The following RBFOX1 variants were observed in gnomAD, a reference collection of about 807,000 sequenced individuals.
The protein encoded by RBFOX1 is RNA binding fox-1 homolog 1.
A neutral mutation model predicts 57.7 loss-of-function variants in RBFOX1; 8 were observed. The observed-to-expected ratio is 0.14, with a 90% CI of 0.08 to 0.25. The LOEUF is 0.25. RBFOX1 is among the 10% of genes least tolerant of loss of function. The pLI, the probability that RBFOX1 is intolerant of heterozygous loss-of-function variation, is 1.00. For synonymous variants in RBFOX1, 326 were observed against 222.4 expected (o/e 1.47, Z -4.15); for missense variants, 611 against 548.5 (o/e 1.11, Z -1.14).
At chr16:6,663,473 T>A (rs1373489607) in intron 3 of RBFOX1, among the ~76,000 whole-genome samples, 2 of 152,118 alleles carry the variant, frequency 1.3e-5, no homozygotes, top group African/African-American at 2.4e-5. Context: ...ATCTGTGCAC[T>A]TCTGATAGCA....
chr16:6,886,166 A>T (rs1031323912), intron 3 of RBFOX1, among the ~76,000 whole-genome samples: 9 of 148,988 alleles, frequency 6.0e-5, no homozygotes, highest in African/African-American at 1.7e-4. Flanking sequence ...GGTTCAAGTG[A>T]CTCTCCTGCC....
intron 3 of RBFOX1, among the ~76,000 whole-genome samples, chr16:5,804,924 C>T (rs149042804): frequency 6.6e-6 from 1 of 152,128 alleles, no homozygotes; most frequent in Non-Finnish European, 1.5e-5. Context: ...TTTGCCACTA[C>T]CAGCATTTCT....
At chr16:6,778,861 C>T (rs981535284) in intron 3 of RBFOX1, among the ~76,000 whole-genome samples, 4 of 144,794 alleles carry the variant, frequency 2.8e-5, no homozygotes, top group Non-Finnish European at 4.5e-5. Flanking sequence ...ACCACACACT[C>T]TAGTTTTTTT....
intron 3 of RBFOX1, among the ~76,000 whole-genome samples, chr16:6,731,512 G>C (rs1465729838): frequency 6.6e-6 from 1 of 152,076 alleles, no homozygotes; most frequent in Non-Finnish European, 1.5e-5. Flanking sequence ...CAGTTCTTGA[G>C]AGTATTTCTC....
intron 1 of RBFOX1, among the ~76,000 whole-genome samples, chr16:5,365,588 G>A (rs1266546311): frequency 6.6e-6 from 1 of 152,148 alleles, no homozygotes; most frequent in Non-Finnish European, 1.5e-5. Context: ...AGAATCGCTT[G>A]TACCCTGGAG....
At chr16:5,688,578 C>G (rs548379777) in intron 3 of RBFOX1, among the ~76,000 whole-genome samples, 1 of 152,010 alleles carries the variant, frequency 6.6e-6, no homozygotes, top group East Asian at 1.9e-4. Context: ...TGCAGTTGGT[C>G]TGGTCCCAAC....
At chr16:5,711,373 A>T (rs965153206) in intron 3 of RBFOX1, among the ~76,000 whole-genome samples, 1 of 152,214 alleles carries the variant, frequency 6.6e-6, no homozygotes, top group Non-Finnish European at 1.5e-5. Flanking sequence ...ATCTATAACC[A>T]TATAGTCTTA....
At chr16:7,346,296 C>T (rs1289284530) in intron 4 of RBFOX1, among the ~76,000 whole-genome samples, 1 of 151,644 alleles carries the variant, frequency 6.6e-6, no homozygotes, top group Non-Finnish European at 1.5e-5. Flanking sequence ...CATGATGTGT[C>T]AGCAACGAGA....
chr16:6,417,563 T>C (rs2093658417), intron 2 of RBFOX1, among the ~76,000 whole-genome samples: 1 of 151,466 alleles, frequency 6.6e-6, no homozygotes, highest in Non-Finnish European at 1.5e-5. Flanking sequence ...CTAGTTTTTA[T>C]ATATGTAGTA....
intron 4 of RBFOX1, among the ~76,000 whole-genome samples, chr16:7,242,640 A>G (rs1025502788): frequency 1.3e-5 from 2 of 152,214 alleles, no homozygotes; most frequent in African/African-American, 2.4e-5. Context: ...GATGCTCAGC[A>G]TGCAGTCAAT....
rs150858443 is a variant in RBFOX1 at position 6,438,846 on chromosome 16, G to A, written c.-64+121789G>A. On this transcript the variant is annotated intron_variant, in intron 2 of 15. Coordinates refer to ENST00000550418, the MANE Select transcript of RBFOX1 (RefSeq NM_018723.4). Reference sequence around the variant, plus strand: ...TCTGTGTGTGCTCACCACTGTACCTGAGTATTCTTAACATTGTGCATGGTA... The same window carrying A: ...TCTGTGTGTGCTCACCACTGTACCTAAGTATTCTTAACATTGTGCATGGTA... 2.3e-4 allele frequency among the ~76,000 whole-genome samples: 35 copies of A among 152,294 alleles called. No homozygotes were observed. The East Asian group carries it at 6.6e-3, about 29-fold the overall frequency.
chr16:7,541,918 G>A lies in RBFOX1; in HGVS notation c.270+23529G>A, dbSNP rs138227840. 2.1e-4 allele frequency among the ~76,000 whole-genome samples: 32 copies of A among 152,338 alleles called. No homozygotes were observed. The East Asian group carries it at 3.9e-3, about 18-fold the overall frequency. On this transcript the variant is annotated intron_variant, in intron 5 of 15. Coordinates refer to ENST00000550418, the MANE Select transcript of RBFOX1 (RefSeq NM_018723.4). ...ATGCCTGCAAAGAAGTCTTGGGTGA[G>A]CAGATGCCAAGTTTCCCAGCAAAGA...
intron 1 of RBFOX1, among the ~76,000 whole-genome samples, chr16:6,062,880 C>T (rs1441314958): frequency 6.6e-6 from 1 of 152,014 alleles, no homozygotes; most frequent in Non-Finnish European, 1.5e-5. Flanking sequence ...AGTCTTGAGT[C>T]TGAAATCTGT....
intron 1 of RBFOX1, among the ~76,000 whole-genome samples, chr16:6,280,596 G>A (rs1314882062): frequency 6.6e-6 from 1 of 152,110 alleles, no homozygotes; most frequent in African/African-American, 2.4e-5. Flanking sequence ...ATGTAATGTC[G>A]CAGTACTCAG....
chr16:6,303,071 G>A (rs1258160190), intron 1 of RBFOX1, among the ~76,000 whole-genome samples: 2 of 152,160 alleles, frequency 1.3e-5, no homozygotes, highest in African/African-American at 4.8e-5. Flanking sequence ...ACTGCACCAA[G>A]TTTGCCTTGA....
intron 3 of RBFOX1, among the ~76,000 whole-genome samples, chr16:5,615,666 T>A (rs1307037561): frequency 6.6e-6 from 1 of 152,192 alleles, no homozygotes; most frequent in East Asian, 1.9e-4. Flanking sequence ...GTCAGCCACT[T>A]TGGATCGAGC....
intron 4 of RBFOX1, among the ~76,000 whole-genome samples, chr16:7,198,401 T>C (rs2087361905): frequency 6.6e-6 from 1 of 152,226 alleles, no homozygotes; most frequent in Non-Finnish European, 1.5e-5. Context: ...TAAATGCTAC[T>C]CATTTGTACA....
At chr16:7,201,612 A>G (rs1245983208) in intron 4 of RBFOX1, among the ~76,000 whole-genome samples, 1 of 152,030 alleles carries the variant, frequency 6.6e-6, no homozygotes, top group Non-Finnish European at 1.5e-5. Flanking sequence ...ACAGGTGTCC[A>G]ACACCACGCC....
chr16:6,961,464 C>T (rs34752464), intron 3 of RBFOX1, among the ~76,000 whole-genome samples: 1 of 152,028 alleles, frequency 6.6e-6, no homozygotes, highest in Admixed American at 6.5e-5. Flanking sequence ...GGGTCCCGAT[C>T]AAGATCCCAA....
Sources: gnomAD v4.1 joint callset for allele counts (sites outside exome capture counted in the v4.1 genomes callset) on GRCh38, gnomAD v4.1.1 for gene constraint, MANE v1.5 for transcripts, NCBI Gene and HGNC (gene_info 2026-07-23, HGNC 2026-07-21) for gene names.